Variants in WDR27 observed in about 807,000 individuals in gnomAD.
The protein encoded by WDR27 is WD repeat domain 27.
In WDR27, 100 loss-of-function variants were observed where a neutral mutation model predicts 114.4. The ratio of observed to expected loss-of-function variants is 0.87; its 90% CI spans 0.74 to 1.03. The LOEUF (loss-of-function observed/expected upper bound fraction) is 1.03. Among genes scored for constraint, WDR27 ranks in the 50% least tolerant of loss-of-function variants. The pLI, the probability that WDR27 is intolerant of heterozygous loss-of-function variation, is 0.00. For missense variants in WDR27, 1,129 were observed against 1,092.9 expected, an observed-to-expected ratio of 1.03 and a Z score of -0.47; for synonymous variants, 449 against 423.1, an observed-to-expected ratio of 1.06 and a Z score of -0.75.
intron 25 of WDR27, among the ~76,000 whole-genome samples, chr6:169,539,096 C>T (rs1298858304): frequency 6.6e-6 from 1 of 152,150 alleles, no homozygotes; most frequent in Non-Finnish European, 1.5e-5. Context: ...TGGGTGGATG[C>T]ACACTGTCCT....
chr6:169,452,447 G>A (rs951880552), downstream of WDR27, among the ~76,000 whole-genome samples: 12 of 152,398 alleles, frequency 7.9e-5, no homozygotes, highest in African/African-American at 2.9e-4. Flanking sequence ...ACCCTGTGAA[G>A]AAACGGCTGC....
intron 25 of WDR27, among the ~76,000 whole-genome samples, chr6:169,554,522 T>A (rs1421884911): frequency 6.6e-6 from 1 of 152,212 alleles, no homozygotes; most frequent in Non-Finnish European, 1.5e-5. Context: ...TAGCCTGAAG[T>A]ATAACCAAAT....
At chr6:169,452,287 T>C (rs1784181936), downstream of WDR27, among the ~76,000 whole-genome samples, 1 of 152,242 alleles carries the variant, frequency 6.6e-6, no homozygotes, top group Non-Finnish European at 1.5e-5. Flanking sequence ...TCCCACAGCC[T>C]CTGGCGCAGG....
At chr6:169,542,563 T>C (rs1796958630) in intron 25 of WDR27, among the ~76,000 whole-genome samples, 1 of 151,982 alleles carries the variant, frequency 6.6e-6, no homozygotes, top group African/African-American at 2.4e-5. Context: ...AAGAGGAAAA[T>C]GGTGACAAAG....
chr6:169,630,036 TTA>T (rs1353666256), intron 21 of WDR27, among the ~76,000 whole-genome samples: 2 of 152,170 alleles, frequency 1.3e-5, no homozygotes, highest in Non-Finnish European at 2.9e-5. Flanking sequence ...ATGACAATGT[TTA>T]AGAAATTTGG....
chr6:169,531,090 T>C (rs1005461434), intron 25 of WDR27, among the ~76,000 whole-genome samples: 2 of 152,228 alleles, frequency 1.3e-5, no homozygotes, highest in Admixed American at 1.3e-4. Flanking sequence ...GCCAGCCCTG[T>C]TCACCTGTTT....
At chr6:169,510,613 A>G (rs1792690248) in intron 25 of WDR27, among the ~76,000 whole-genome samples, 1 of 125,840 alleles carries the variant, frequency 7.9e-6, no homozygotes, top group Admixed American at 9.6e-5. Flanking sequence ...GGGGAATATC[A>G]CACACTGGGG....
At chr6:169,431,021 T>G in the WDR27 span, among the ~76,000 whole-genome samples, 2 of 152,178 alleles carry the variant, frequency 1.3e-5, no homozygotes, top group Non-Finnish European at 2.9e-5. Context: ...GTCTGCTGAA[T>G]GACTTGCTGT....
At position 169,667,972 on chromosome 6, in the gene WDR27, C is replaced by T. The variant is rs1378542392; in HGVS notation, c.660+10G>A. ...CCACGCGGGAACGCCATCCAGCGTC[C>T]ATCCCTCACCTTAAAGCCTCTGTCC... On this transcript the variant is annotated intron_variant, in intron 5 of 25. Coordinates refer to ENST00000448612, the MANE Select transcript of WDR27 (RefSeq NM_182552.5). 1.2e-6 allele frequency: 2 copies of T among 1,609,470 alleles called. No homozygotes were observed. Among genetic ancestry groups the T allele is most frequent in the Non-Finnish European group, 1.7e-6 (2 of 1,177,906 alleles).
At chr6:169,674,094 T>C (rs989227709) in intron 2 of WDR27, among the ~76,000 whole-genome samples, 1 of 152,160 alleles carries the variant, frequency 6.6e-6, no homozygotes, top group Non-Finnish European at 1.5e-5. Context: ...CTAACATAAA[T>C]CTGATTTGGA....
chr6:169,605,464 T>C (rs1160314378), intron 22 of WDR27, among the ~76,000 whole-genome samples: 1 of 151,430 alleles, frequency 6.6e-6, no homozygotes, highest in Non-Finnish European at 1.5e-5. Flanking sequence ...CTACAGATAA[T>C]ACAAACAAAT....
intron 25 of WDR27, among the ~76,000 whole-genome samples, chr6:169,483,471 G>A (rs1788469109): frequency 6.6e-6 from 1 of 152,100 alleles, no homozygotes; most frequent in South Asian, 2.1e-4. Flanking sequence ...GACTAAACCA[G>A]AAAGAATCTG....
rs1012294190 is a variant in WDR27, at chr6:169,493,958, G to A, written c.2646-36324C>T. On this transcript the variant is annotated intron_variant, in intron 25 of 25. Transcript: ENST00000448612. ...TAAAAATATAATTCCAGCAAGATGA[G>A]GGCCAAATGCAAGTGTGAGTTTCTC... 5.9e-5 allele frequency among the ~76,000 whole-genome samples: 9 copies of A among 152,296 alleles called. No individual in the cohort carries two copies. The East Asian group carries it at 1.7e-3, about 29-fold the overall frequency.
At chr6:169,654,691 C>A (rs1458776140) in intron 13 of WDR27, among the ~76,000 whole-genome samples, 1 of 149,094 alleles carries the variant, frequency 6.7e-6, no homozygotes, top group Admixed American at 6.7e-5. Context: ...AGAAGCCAGG[C>A]GAGCTGAGGA....
Position 169,659,156 on chromosome 6 carries a change from T to C in WDR27, c.1249A>G (p.Ile417Val). 1 of 1,610,380 alleles carries C rather than the reference T, an allele frequency of 6.2e-7. No individual in the cohort carries two copies. Among genetic ancestry groups the C allele is most frequent in the Non-Finnish European group, 8.5e-7 (1 of 1,178,614 alleles). Residue 417 changes from isoleucine to valine, a missense_variant, in exon 12 of 26, where the codon ATC becomes GTC. By Grantham distance (29) the Ile-to-Val change is conservative. Coordinates refer to ENST00000448612, the MANE Select transcript of WDR27 (RefSeq NM_182552.5). This position sits in a 1 kb window ranked among gnomAD's most constrained non-coding sequence, Gnocchi z 4.3. ...LFGGKIAVLE[I>V]NPAALVRAQQ... Reference sequence around the variant, plus strand: ...GCCCTGACTAGCGCGGCCGGGTTGATCTCCAACACGGCAATCTTCCCGCCA... The same window carrying C: ...GCCCTGACTAGCGCGGCCGGGTTGACCTCCAACACGGCAATCTTCCCGCCA...
chr6:169,635,867 C>T (rs1175217236), intron 19 of WDR27, among the ~76,000 whole-genome samples: 6 of 152,098 alleles, frequency 3.9e-5, no homozygotes, highest in Non-Finnish European at 7.4e-5. Context: ...ATATCAATCT[C>T]AAAAGGAGGA....
chr6:169,503,546 C>T (rs1413720973), intron 25 of WDR27, among the ~76,000 whole-genome samples: 2 of 152,184 alleles, frequency 1.3e-5, no homozygotes, highest in Non-Finnish European at 2.9e-5. Flanking sequence ...CCAGACACTA[C>T]AGCCTGTCAT....
At chr6:169,472,517 A>T (rs1370340979) in intron 25 of WDR27, among the ~76,000 whole-genome samples, 1 of 152,200 alleles carries the variant, frequency 6.6e-6, no homozygotes, top group South Asian at 2.1e-4. Flanking sequence ...AATATTACTT[A>T]TCTAAAAGTT....
intron 21 of WDR27, among the ~76,000 whole-genome samples, chr6:169,619,842 G>T (rs992445531): frequency 9.2e-5 from 14 of 152,280 alleles, no homozygotes; most frequent in African/African-American, 3.4e-4. Flanking sequence ...GGAGGGCCTG[G>T]AAGAAAGAGA....
Sources: allele counts gnomAD v4.1 joint callset (sites outside exome capture counted in the v4.1 genomes callset), GRCh38; gene constraint gnomAD v4.1.1; non-coding constraint Gnocchi (gnomAD v3.1); transcripts MANE v1.5; gene names NCBI Gene and HGNC (gene_info 2026-07-23, HGNC 2026-07-21).